The following ZDHHC24 variants were observed in gnomAD, a reference collection of about 807,000 sequenced individuals.
The protein encoded by ZDHHC24 is probable palmitoyltransferase ZDHHC24.
In ZDHHC24, 17 loss-of-function variants were observed where a neutral mutation model predicts 23.2. That is an observed-to-expected ratio of 0.73 (90% CI 0.50 to 1.10). The LOEUF (loss-of-function observed/expected upper bound fraction) is 1.10, where lower values mean the gene tolerates loss of function less well. Among genes scored for constraint, ZDHHC24 ranks in the 50% least tolerant of loss-of-function variants. ZDHHC24 has a pLI of 0.00. For missense variants in ZDHHC24, 366 were observed against 393.0 expected, an observed-to-expected ratio of 0.93 and a Z score of 0.58; for synonymous variants, 186 against 194.5, an observed-to-expected ratio of 0.96 and a Z score of 0.36.
downstream of ZDHHC24, chr11:66,532,335 G>A (rs560533318): frequency 6.5e-5 from 30 of 460,060 alleles, no homozygotes; most frequent in African/African-American, 2.7e-4. Context: ...TCAGAGCTCC[G>A]AAGCGGTCAA....
rs1799665275 is a variant in ZDHHC24, at chr11:66,540,701, C to G, written c.560-877G>C. Among the ~76,000 whole-genome samples, 5 of 151,212 alleles carry G rather than the reference C, an allele frequency of 3.3e-5. 1 individual carries two copies. In the South Asian group the frequency reaches 1.0e-3, roughly 32 times the overall value. ...CAAGATTGCGCCATTGCACTCCAGC[C>G]TGGGTGACAGAGTGAGAAAAAAAAA... On this transcript the variant is annotated intron_variant, in intron 2 of 2. Transcript: ENST00000310442.
chr11:66,529,657 GAAGGCTGGGCTCTTTCC>G (rs985024193), intron 2 of ZDHHC24, among the ~76,000 whole-genome samples: 1 of 151,936 alleles, frequency 6.6e-6, no homozygotes, highest in Admixed American at 6.6e-5. Context: ...AGTTTTGCCA[GAAGGCTGGGCTCTTTCC>G]CTCCTCCCCA....
chr11:66,526,156 G>T (rs377297999), intron 4 of ZDHHC24: 2 of 1,614,186 alleles, frequency 1.2e-6, no homozygotes. Context: ...TGGCCGGTAC[G>T]GGCGGGAGGA....
At chr11:66,532,296 C>A (rs1040142241), downstream of ZDHHC24, 24 of 543,224 alleles carry the variant, frequency 4.4e-5, no homozygotes, top group Non-Finnish European at 7.6e-5. Flanking sequence ...CCCTCCCCAG[C>A]CTTTTCCAGA....
At chr11:66,530,091 C>A in intron 2 of ZDHHC24, 1 of 1,255,840 alleles carries the variant, frequency 8.0e-7, no homozygotes, top group Non-Finnish European at 1.1e-6. Flanking sequence ...TTCCCGCAGA[C>A]CTGGGGACCG....
downstream of ZDHHC24, chr11:66,531,530 AG>A (rs1167094182): frequency 4.6e-5 from 57 of 1,230,262 alleles, no homozygotes; most frequent in Non-Finnish European, 6.7e-5. Context: ...TCCTCCACCC[AG>A]CAGTTGTCCT....
rs117854793 is a variant in ZDHHC24 at position 66,525,376 on chromosome 11, C to A, written c.*21+1560G>T. Among the ~76,000 whole-genome samples, 334 of 151,376 alleles carry A rather than the reference C, an allele frequency of 2.2e-3. 5 individuals carry two copies. The East Asian group carries it at 0.034, about 15-fold the overall frequency. ...TCTGTCTCAAAACAAAAAAACAAAA[C>A]AACAAAAATAAATAAATAATTACAA... On this transcript the variant is annotated intron_variant, in intron 4 of 4. Transcript: ENST00000526986.
chr11:66,522,215 CA>C (rs1236710595), intron 4 of ZDHHC24, among the ~76,000 whole-genome samples: 30 of 138,330 alleles, frequency 2.2e-4, no homozygotes, highest in African/African-American at 7.8e-4. Flanking sequence ...GACTCTGTCT[CA>C]AAAAAAAAGA....
At chr11:66,526,245 G>A in intron 4 of ZDHHC24, 2 of 1,545,994 alleles carry the variant, frequency 1.3e-6, no homozygotes, top group East Asian at 4.5e-5. Flanking sequence ...GAAGGGACAG[G>A]CCTGCTTCTG....
At chr11:66,521,936 G>T (rs1025364779) in intron 4 of ZDHHC24, among the ~76,000 whole-genome samples, 1 of 144,136 alleles carries the variant, frequency 6.9e-6, no homozygotes, top group Admixed American at 7.1e-5. Flanking sequence ...AAGCAGGGGG[G>T]TGCCGGGTGC....
chr11:66,529,082 A>G (rs760506230), intron 3 of ZDHHC24: 259 of 985,200 alleles, frequency 2.6e-4, no homozygotes, highest in Non-Finnish European at 3.0e-4. Context: ...GAAAAAGCAC[A>G]TAAAATGTGA....
chr11:66,525,512 G>A (rs188530912), intron 4 of ZDHHC24, among the ~76,000 whole-genome samples: 8 of 150,916 alleles, frequency 5.3e-5, no homozygotes, highest in Admixed American at 4.0e-4. Context: ...GCAGTGAGCT[G>A]GAGATCACAC....
chr11:66,522,877 C>T (rs920971849), intron 4 of ZDHHC24: 1 of 333,854 alleles, frequency 3.0e-6, no homozygotes, highest in African/African-American at 2.2e-5. Context: ...TGATCAGGAA[C>T]ACCTCTCTGT....
rs1467349266 is a variant in ZDHHC24, at chr11:66,545,883, G to A, written c.121C>T (p.Pro41Ser). ...LELAYVLVLG[P>S]GPPPLGPLAR... ...AGGGGTCCCAGCGGCGGCGGCCCGG[G>A]ACCGAGCACCAGCACGTAAGCCAGC... The change falls in exon 1 of 3, where the codon CCC (proline) becomes TCC (serine). Residue 41 changes from proline (P) to serine (S), a missense_variant. Transcript: ENST00000310442. This position sits in a 1 kb window ranked among gnomAD's most constrained non-coding sequence, Gnocchi z 4.5. 1.2e-5 allele frequency: 19 copies of A among 1,544,884 alleles called. No individual in the cohort carries two copies. Among genetic ancestry groups the A allele is most frequent in the Admixed American group, 5.7e-5 (3 of 52,936 alleles).
intron 4 of ZDHHC24, chr11:66,524,264 AGCG>A: frequency 6.0e-6 from 2 of 332,620 alleles, no homozygotes; most frequent in Non-Finnish European, 1.2e-5. Flanking sequence ...TGGACAACAG[AGCG>A]AGACTCCATC....
chr11:66,526,333 G>T, intron 4 of ZDHHC24: 1 of 890,098 alleles, frequency 1.1e-6, no homozygotes, highest in Non-Finnish European at 1.7e-6. Context: ...TGTCCTTCTG[G>T]AGCTAGGCCT....
At chr11:66,522,521 T>A (rs943705631) in intron 4 of ZDHHC24, among the ~76,000 whole-genome samples, 1 of 151,894 alleles carries the variant, frequency 6.6e-6, no homozygotes, top group African/African-American at 2.4e-5. Flanking sequence ...CTAATTTTTG[T>A]ATTTTTAGTA....
At chr11:66,528,907 G>T (rs1379362434) in intron 3 of ZDHHC24, 1 of 228,022 alleles carries the variant, frequency 4.4e-6, no homozygotes, top group Non-Finnish European at 7.0e-6. Context: ...GGCAGAGGTT[G>T]CAGTGAGCTG....
At chr11:66,533,267 AC>A (rs1856855388), downstream of ZDHHC24, 1 of 152,236 alleles carries the variant, frequency 6.6e-6, no homozygotes, top group Admixed American at 6.5e-5. Flanking sequence ...ATTTAAAAAC[AC>A]ATACCCACTT....
Sources: gnomAD v4.1 joint callset for allele counts (sites outside exome capture counted in the v4.1 genomes callset) on GRCh38, gnomAD v4.1.1 for gene constraint, Gnocchi (gnomAD v3.1) non-coding constraint, MANE v1.5 for transcripts, NCBI Gene and HGNC (gene_info 2026-07-23, HGNC 2026-07-21) for gene names.